The following CDH22 variants were observed in gnomAD, a reference collection of about 807,000 sequenced individuals.
CDH22 encodes the protein cadherin 22.
A neutral mutation model predicts 58.4 loss-of-function variants in CDH22; 30 were observed. That is an observed-to-expected ratio of 0.51 (90% CI 0.38 to 0.70). The LOEUF (loss-of-function observed/expected upper bound fraction) is 0.70, where lower values mean the gene tolerates loss of function less well. Among genes scored for constraint, CDH22 ranks in the 30% least tolerant of loss-of-function variants. The pLI is 0.00. For synonymous variants in CDH22, 513 were observed against 558.2 expected, an observed-to-expected ratio of 0.92 and a Z score of 1.14; for missense variants, 1,014 against 1,233.9, an observed-to-expected ratio of 0.82 and a Z score of 2.67.
intron 1 of CDH22, among the ~76,000 whole-genome samples, chr20:46,275,012 G>A (rs908235236): frequency 6.6e-6 from 1 of 152,184 alleles, no homozygotes; most frequent in African/African-American, 2.4e-5. Flanking sequence ...CTGCAACTGC[G>A]TGGTGGTTGC....
At chr20:46,218,549 C>T (rs1189440991) in intron 4 of CDH22, among the ~76,000 whole-genome samples, 2 of 152,198 alleles carry the variant, frequency 1.3e-5, no homozygotes, top group African/African-American at 2.4e-5. Context: ...CATAAGAACA[C>T]ATACAAAGTC....
chr20:46,253,728 C>T (rs796141211), intron 1 of CDH22, among the ~76,000 whole-genome samples: 33 of 152,292 alleles, frequency 2.2e-4, no homozygotes, highest in African/African-American at 7.5e-4. Context: ...GGCTTCCCTG[C>T]GTGCCCCATG....
chr20:46,262,986 T>C (rs145547482), intron 1 of CDH22, among the ~76,000 whole-genome samples: 585 of 152,302 alleles, frequency 3.8e-3, no homozygotes, highest in Non-Finnish European at 6.0e-3. Flanking sequence ...CACTGCCCTT[T>C]CCTCCATGTG....
chr20:46,217,449 C>T (rs989765108), intron 4 of CDH22, among the ~76,000 whole-genome samples: 11 of 152,158 alleles, frequency 7.2e-5, no homozygotes, highest in Admixed American at 1.3e-4. Context: ...CAGATACACA[C>T]AGATACATTC....
chr20:46,260,933 C>A (rs2086430322), intron 1 of CDH22, among the ~76,000 whole-genome samples: 1 of 152,164 alleles, frequency 6.6e-6, no homozygotes, highest in African/African-American at 2.4e-5. Context: ...CCAGACAGAA[C>A]AAAGTAGAAC....
chr20:46,227,589 C>G lies in CDH22; in HGVS notation c.589G>C (p.Asp197His). 1 of 1,613,034 alleles carries G rather than the reference C, an allele frequency of 6.2e-7. No individual in the cohort carries two copies. The highest frequency in any genetic ancestry group is 8.5e-7 in the Non-Finnish European group (1 of 1,179,776). The change falls in exon 4 of 12, where the codon GAC becomes CAC. Residue 197 changes from aspartate to histidine, a missense_variant. Coordinates refer to ENST00000537909, the MANE Select transcript of CDH22 (RefSeq NM_021248.3). ...CGAGCGCTGCTGCCGTACGTGGGGT[C>G]ATCCGCATCCGAGGCCATCACCTGC... ...VMQVMASDAD[D>H]PTYGSSARLV...
chr20:46,176,291 G>T (rs530324771), intron 11 of CDH22, among the ~76,000 whole-genome samples: 1 of 152,296 alleles, frequency 6.6e-6, no homozygotes, highest in South Asian at 2.1e-4. Context: ...CTGAAATCTA[G>T]ATTGTACATT....
intron 4 of CDH22, chr20:46,220,859 G>A (rs977033942): frequency 2.6e-5 from 4 of 152,488 alleles, no homozygotes; most frequent in Admixed American, 6.5e-5. Context: ...CGGGATCCAG[G>A]GAACAGGGTA....
chr20:46,287,110 C>T (rs1221368416), intron 1 of CDH22, among the ~76,000 whole-genome samples: 2 of 152,072 alleles, frequency 1.3e-5, no homozygotes, highest in South Asian at 2.1e-4. Flanking sequence ...AAAAGACAGA[C>T]GTTAGGTCTG....
At chr20:46,176,147 T>C (rs375082019) in intron 11 of CDH22, among the ~76,000 whole-genome samples, 1 of 152,182 alleles carries the variant, frequency 6.6e-6, no homozygotes, top group East Asian at 1.9e-4. Context: ...TTAACTCAGA[T>C]GTCCTAGGAT....
chr20:46,181,291 CAG>C (rs1214856293), intron 10 of CDH22, among the ~76,000 whole-genome samples: 3 of 152,078 alleles, frequency 2.0e-5, no homozygotes, highest in Admixed American at 1.3e-4. Context: ...GAGCACATAA[CAG>C]AGCACCTGAG....
intron 1 of CDH22, among the ~76,000 whole-genome samples, chr20:46,290,748 A>G (rs901048154): frequency 2.6e-5 from 4 of 152,048 alleles, no homozygotes; most frequent in African/African-American, 9.7e-5. Flanking sequence ...TGTGTCAGGG[A>G]ATTCACGAAG....
chr20:46,208,850 C>A (rs2086019357), intron 7 of CDH22, among the ~76,000 whole-genome samples: 1 of 152,226 alleles, frequency 6.6e-6, no homozygotes, highest in South Asian at 2.1e-4. Context: ...GCCTCGGCCT[C>A]CCAAAGTGCT....
At chr20:46,268,976 T>C (rs2425823) in intron 1 of CDH22, among the ~76,000 whole-genome samples, 61,730 of 152,044 alleles carry the variant, frequency 0.41, 12,954 homozygotes, top group Middle Eastern at 0.6. Context: ...TCTCAGCCCC[T>C]GCTTACATTC....
At chr20:46,257,714 G>T (rs567027612) in intron 1 of CDH22, among the ~76,000 whole-genome samples, 1 of 152,332 alleles carries the variant, frequency 6.6e-6, no homozygotes, top group South Asian at 2.1e-4. Context: ...ATGGCTAGGA[G>T]TTCAGGGGTG....
chr20:46,240,481 T>C (rs926536565), intron 3 of CDH22, among the ~76,000 whole-genome samples: 7 of 152,150 alleles, frequency 4.6e-5, no homozygotes, highest in African/African-American at 1.4e-4. Context: ...GCTGTGTCTA[T>C]GTGCAGTTGA....
chr20:46,293,310 T>C (rs1002009018), intron 1 of CDH22, among the ~76,000 whole-genome samples: 2 of 152,208 alleles, frequency 1.3e-5, no homozygotes, highest in Admixed American at 6.5e-5. Context: ...TCCATGAAGC[T>C]GCCGCTACAG....
intron 1 of CDH22, among the ~76,000 whole-genome samples, chr20:46,295,974 G>A (rs182508871): frequency 5.3e-5 from 8 of 152,154 alleles, no homozygotes; most frequent in African/African-American, 1.9e-4. Flanking sequence ...TGTTGCCCAG[G>A]CTTGTCTGAA....
At chr20:46,181,795 T>TTCTTTC (rs1491111907) in intron 10 of CDH22, among the ~76,000 whole-genome samples, 3 of 45,614 alleles carry the variant, frequency 6.6e-5, no homozygotes, top group Non-Finnish European at 9.4e-5. Context: ...TTCTTTCTTT[T>TTCTTTC]CTCTCTCTTT....
Sources: gnomAD v4.1 joint callset for allele counts (sites outside exome capture counted in the v4.1 genomes callset) on GRCh38, gnomAD v4.1.1 for gene constraint, MANE v1.5 for transcripts, NCBI Gene and HGNC (gene_info 2026-07-23, HGNC 2026-07-21) for gene names.